CDCA8: variants seen among roughly 807,000 people sequenced by gnomAD.
CDCA8 encodes the protein cell division cycle associated 8.
In CDCA8, 25 loss-of-function variants were observed where a neutral mutation model predicts 40.0. The ratio of observed to expected loss-of-function variants is 0.63; its 90% CI spans 0.46 to 0.87. The LOEUF is 0.87. CDCA8 is among the 40% of genes least tolerant of loss of function. The pLI is 0.00. For synonymous variants in CDCA8, 111 were observed against 126.5 expected, an observed-to-expected ratio of 0.88 and a Z score of 0.82; for missense variants, 280 against 348.4, an observed-to-expected ratio of 0.80 and a Z score of 1.56.
chr1:37,697,998 C>T (rs1347233460), intron 3 of CDCA8, among the ~76,000 whole-genome samples: 1 of 152,070 alleles, frequency 6.6e-6, no homozygotes, highest in African/African-American at 2.4e-5. Flanking sequence ...ATCATGACTG[C>T]TCTTTGTAGT....
chr1:37,693,215 TGGG>T (rs1032089629), intron 2 of CDCA8, among the ~76,000 whole-genome samples, 182 bp downstream of exon 2: 2 of 5,896 alleles, frequency 3.4e-4, no homozygotes, highest in African/African-American at 7.8e-4. Context: ...CTATGAAAAA[TGGG>T]GGGGTGGTTG....
At chr1:37,701,875 C>A in intron 6 of CDCA8, 57 bp downstream of exon 6, 3 of 1,330,630 alleles carry the variant, frequency 2.3e-6, no homozygotes, top group Non-Finnish European at 2.2e-6. Context: ...CCATATATAT[C>A]ATGGCAGAAA....
Position 37,708,522 on chromosome 1 carries a change from C to T in CDCA8, c.*156C>T. ...GAATTCAGACGTGCTAGTCCCACAC[C>T]AGTTAGGTAGAGCTGTCTGTTCACC... On this transcript the variant is annotated 3_prime_UTR_variant, in exon 10 of 10. Transcript: ENST00000373055. The T allele has an allele frequency of 2.9e-6, 2 of 685,432 alleles. 1 individual carries two copies. Among genetic ancestry groups the T allele is most frequent in the South Asian group, 3.3e-5 (2 of 59,842 alleles). The allele number at this position is 685,432 out of a possible 1,614,324, so 42.5% of individuals were successfully genotyped here. A position where few individuals can be genotyped will look rare whatever the true frequency, so the allele number is the denominator to read the frequency against.
In CDCA8 at chr1:37,703,272, T is replaced by A; in HGVS notation, c.509T>A (p.Val170Asp). ...KGKRSSRANT[V>D]TPAVGRLEVS... Reference sequence around the variant, plus strand: ...TGTAGGTCAAGCCGTGCTAACACTGTTACCCCAGCCGTGGGCCGATTGGAG... The same window carrying A: ...TGTAGGTCAAGCCGTGCTAACACTGATACCCCAGCCGTGGGCCGATTGGAG... The change falls in exon 7 of 10, where the codon GTT (valine) becomes GAT (aspartate). Residue 170 changes from valine to aspartate, a missense_variant. Val to Asp is a radical substitution (Grantham distance 152). Transcript: ENST00000373055. 6.2e-7 allele frequency: 1 copy of A among 1,613,796 alleles called. No individual in the cohort carries two copies. The highest frequency in any genetic ancestry group is 8.5e-7 in the Non-Finnish European group (1 of 1,179,914).
rs373198610 is a variant in CDCA8 at position 37,707,244 on chromosome 1, T to C, written c.798+180T>C. ...AGATAGCAGCAGTTCTGTTCCTCAGTTGATGTTGAGTTTTGTTCAATCCCA... is the reference window on the plus strand; with the variant it reads ...AGATAGCAGCAGTTCTGTTCCTCAGCTGATGTTGAGTTTTGTTCAATCCCA... On this transcript the variant is annotated intron_variant, in intron 9 of 9. Coordinates refer to ENST00000373055, the MANE Select transcript of CDCA8 (RefSeq NM_001256875.2). 1.8e-4 allele frequency among the ~76,000 whole-genome samples: 27 copies of C among 152,344 alleles called. 1 individual carries two copies. The South Asian group carries it at 5.4e-3, about 30-fold the overall frequency.
intron 2 of CDCA8, among the ~76,000 whole-genome samples, chr1:37,693,470 C>T (rs903477199): frequency 8.5e-5 from 13 of 152,312 alleles, no homozygotes; most frequent in African/African-American, 3.1e-4. Flanking sequence ...GCGATCCCTG[C>T]TCACTGCAAC....
chr1:37,705,861 G>A (rs1008501567), intron 8 of CDCA8, among the ~76,000 whole-genome samples: 3 of 148,410 alleles, frequency 2.0e-5, no homozygotes, highest in Admixed American at 2.0e-4. Context: ...CCAGGCGGGA[G>A]TGCAGTGGTG....
At chr1:37,693,425 G>C (rs911251560) in intron 2 of CDCA8, among the ~76,000 whole-genome samples, 1 of 152,146 alleles carries the variant, frequency 6.6e-6, no homozygotes, top group Non-Finnish European at 1.5e-5. Flanking sequence ...GTCTCACTCT[G>C]TCACCCAGGC....
Position 37,708,669 on chromosome 1 carries a change from A to G in CDCA8, c.*303A>G, listed in dbSNP as rs1393584799. The G allele has an allele frequency of 1.2e-5, 5 of 433,910 alleles. No homozygotes were observed. Among genetic ancestry groups the G allele is most frequent in the Non-Finnish European group, 2.1e-5 (5 of 234,860 alleles). 26.9% of individuals were successfully genotyped at this position (433,910 alleles called of 1,614,324 possible). A position where few individuals can be genotyped will look rare whatever the true frequency, so the allele number is the denominator to read the frequency against. Reference sequence around the variant, plus strand: ...GCTGCCTTTTGCCTCCTGCAACTCAACATCCTCTTCACCCTGCCCTGCCTG... The same window carrying G: ...GCTGCCTTTTGCCTCCTGCAACTCAGCATCCTCTTCACCCTGCCCTGCCTG... On this transcript the variant is annotated 3_prime_UTR_variant, in exon 10 of 10. Coordinates refer to ENST00000373055, the MANE Select transcript of CDCA8 (RefSeq NM_001256875.2).
Position 37,701,791 on chromosome 1 carries a change from C to T in CDCA8, c.461C>T (p.Ser154Phe). ...CCTCCATCCAAGAAGAGAACTCAGT[C>T]CATACAAGGAAAAGGAAAAGGGAAA... ...RCPPSKKRTQ[S>F]IQGKGKGKRS... Residue 154 changes from serine to phenylalanine, a missense_variant, in exon 6 of 10, where the codon TCC becomes TTC. Physicochemically the swap from Ser to Phe is radical, Grantham distance 155. Transcript: ENST00000373055. 6.2e-7 allele frequency: 1 copy of T among 1,613,120 alleles called. No homozygotes were observed. The highest frequency in any genetic ancestry group is 8.5e-7 in the Non-Finnish European group (1 of 1,179,488).
At chr1:37,693,714 T>A (rs950029594) in intron 2 of CDCA8, among the ~76,000 whole-genome samples, 7 of 152,204 alleles carry the variant, frequency 4.6e-5, no homozygotes, top group Admixed American at 6.5e-5. Context: ...ATAGTATTTT[T>A]AAAAATATAT....
At chr1:37,698,857 A>T in intron 3 of CDCA8, 48 bp from the exon 4 acceptor site, 1 of 1,232,892 alleles carries the variant, frequency 8.1e-7, no homozygotes, top group Non-Finnish European at 1.2e-6. Flanking sequence ...ATTGTTCCTC[A>T]TATTTTGGTG....
chr1:37,698,926 A>G lies in CDCA8; in HGVS notation c.286A>G (p.Ile96Val). ...ATAGGCTGACCTGGATATCACCGAA[A>G]TAAACAAACTAACAGCAGAAGCTAT... is the stretch of plus-strand genomic sequence containing the variant. ...AATADLDITE[I>V]NKLTAEAIQT... Residue 96 changes from isoleucine (I) to valine (V), a missense_variant, in exon 4 of 10, where the codon ATA (isoleucine) becomes GTA (valine). By Grantham distance (29) the Ile-to-Val change is conservative (BLOSUM62 3). Transcript: ENST00000373055. 1 of 1,613,964 alleles carries G rather than the reference A, an allele frequency of 6.2e-7. No homozygotes were observed. The highest frequency in any genetic ancestry group is 8.5e-7 in the Non-Finnish European group (1 of 1,179,800).
intron 5 of CDCA8, among the ~76,000 whole-genome samples, chr1:37,701,390 C>T (rs1442351069): frequency 6.6e-6 from 1 of 152,000 alleles, no homozygotes; most frequent in East Asian, 1.9e-4. Context: ...CCTCCCAGGC[C>T]CCAGGAAGGG....
rs1021383806 is a variant in CDCA8 at position 37,696,518 on chromosome 1, T to C, written c.264+568T>C. On this transcript the variant is annotated intron_variant, in intron 3 of 9. Coordinates refer to ENST00000373055, the MANE Select transcript of CDCA8 (RefSeq NM_001256875.2). This position sits in a 1 kb window ranked among gnomAD's most constrained non-coding sequence, Gnocchi z 5.0. ...CATTTCCTCAGACATACTAGCCACA[T>C]TTTACATGTTCAATACCTACATATG... Among the ~76,000 whole-genome samples the C allele has an allele frequency of 1.3e-5, 2 of 152,232 alleles. No homozygotes were observed. Among genetic ancestry groups the C allele is most frequent in the Non-Finnish European group, 2.9e-5 (2 of 68,044 alleles).
In CDCA8 at chr1:37,694,142, A is replaced by G. The variant is rs531497581; in HGVS notation, c.223+1109A>G. The stretch of plus-strand genomic sequence containing the variant: ...GCAACAAGAGTGAAACTCCGTCTCA[A>G]AAAAAAAGACACATCAGTTTTCCTG... On this transcript the variant is annotated intron_variant, in intron 2 of 9. Transcript: ENST00000373055. Among the ~76,000 whole-genome samples the G allele has an allele frequency of 2.0e-3, 301 of 152,208 alleles. 1 individual carries two copies. The highest frequency in any genetic ancestry group is 7.0e-3 in the African/African-American group (292 of 41,542).
chr1:37,701,155 A>T (rs1391753913), intron 5 of CDCA8, among the ~76,000 whole-genome samples: 2 of 152,094 alleles, frequency 1.3e-5, no homozygotes, highest in Non-Finnish European at 2.9e-5. Flanking sequence ...TGAGAGATAC[A>T]CTGCCTCCCA....
At chr1:37,705,917 C>G (rs1374813474) in intron 8 of CDCA8, among the ~76,000 whole-genome samples, 2 of 144,544 alleles carry the variant, frequency 1.4e-5, no homozygotes, top group African/African-American at 2.6e-5. Context: ...TCAAGCGATT[C>G]TCTTGCCTCA....
Position 37,696,893 on chromosome 1 carries a change from A to C in CDCA8, c.264+943A>C, listed in dbSNP as rs903721178. Among the ~76,000 whole-genome samples the C allele has an allele frequency of 1.3e-5, 2 of 152,252 alleles. No homozygotes were observed. Among genetic ancestry groups the C allele is most frequent in the Non-Finnish European group, 2.9e-5 (2 of 68,046 alleles). The stretch of plus-strand genomic sequence containing the variant: ...AAAGGTAATGAGGAGCCAATTATCA[A>C]TTTGGAAAAAATTGGAGCATTTGGG... On this transcript the variant is annotated intron_variant, in intron 3 of 9. Coordinates refer to ENST00000373055, the MANE Select transcript of CDCA8 (RefSeq NM_001256875.2). The surrounding 1 kb of genome is among the most constrained non-coding windows in gnomAD (Gnocchi z 5.0).
Sources: gnomAD v4.1 joint callset for allele counts (sites outside exome capture counted in the v4.1 genomes callset) on GRCh38, gnomAD v4.1.1 for gene constraint, Gnocchi (gnomAD v3.1) non-coding constraint, MANE v1.5 for transcripts, NCBI Gene and HGNC (gene_info 2026-07-23, HGNC 2026-07-21) for gene names.